The following CAMK2D variants were observed in gnomAD, a reference collection of about 807,000 sequenced individuals.
CAMK2D encodes the protein calcium/calmodulin dependent protein kinase II delta, also known as calcium/calmodulin-dependent protein kinase type II subunit delta.
In CAMK2D, 37 loss-of-function variants were observed where a neutral mutation model predicts 84.0. The ratio of observed to expected loss-of-function variants is 0.44; its 90% CI spans 0.34 to 0.58. The LOEUF (loss-of-function observed/expected upper bound fraction) is 0.58. Among genes scored for constraint, CAMK2D ranks in the 20% least tolerant of loss-of-function variants. The probability of loss-of-function intolerance (pLI) is 0.02; values close to 1 mark genes in which losing one functional copy is unlikely to be tolerated. For synonymous variants in CAMK2D, 202 were observed against 212.5 expected, an observed-to-expected ratio of 0.95 and a Z score of 0.43; for missense variants, 448 against 652.5, an observed-to-expected ratio of 0.69 and a Z score of 3.41.
chr4:113,571,645 G>T (rs1399021942), intron 4 of CAMK2D, among the ~76,000 whole-genome samples: 1 of 152,116 alleles, frequency 6.6e-6, no homozygotes, highest in Non-Finnish European at 1.5e-5. Flanking sequence ...AGGCCGAGGC[G>T]GGTGGATCAC....
At position 113,709,746 on chromosome 4, in the gene CAMK2D, G is replaced by GATATATATATATATATAT. The variant is rs397995032; in HGVS notation, c.161-47992_161-47975dup. ...GAGTGAAAAGCTAAAAGCCGTGAAC[G>GATATATATATATATATAT]ATATATATATATATATATATATATA... is the stretch of plus-strand genomic sequence containing the variant. On this transcript the variant is annotated intron_variant, in intron 2 of 20. Coordinates refer to ENST00000511664, the MANE Select transcript of CAMK2D (RefSeq NM_001321571.2). 7.8e-3 allele frequency among the ~76,000 whole-genome samples: 388 copies of GATATATATATATATATAT among 49,688 alleles called. 19 individuals carry two copies. The highest frequency in any genetic ancestry group is 0.019 in the Middle Eastern group (2 of 104). The allele number at this position is 49,688 out of a possible 152,430, so 32.6% of individuals were successfully genotyped here. A position where few individuals can be genotyped will look rare whatever the true frequency, so the allele number is the denominator to read the frequency against.
chr4:113,733,385 GA>G (rs141526755), intron 2 of CAMK2D, among the ~76,000 whole-genome samples: 3,545 of 152,240 alleles, frequency 0.023, 59 homozygotes, highest in Non-Finnish European at 0.037. Flanking sequence ...CACCACAAAT[GA>G]AAGATCAAAG....
intron 13 of CAMK2D, among the ~76,000 whole-genome samples, chr4:113,505,584 TCC>T (rs1491489813): frequency 1.3e-5 from 2 of 151,966 alleles, no homozygotes; most frequent in East Asian, 3.9e-4. Context: ...AGTGTAGATC[TCC>T]TCTAAAAATT....
At chr4:113,472,997 G>C (rs530614118) in intron 16 of CAMK2D, among the ~76,000 whole-genome samples, 2 of 152,280 alleles carry the variant, frequency 1.3e-5, no homozygotes, top group African/African-American at 2.4e-5. Context: ...GCCAGGGTTA[G>C]AGCTTTATTT....
At chr4:113,682,314 G>A (rs2099348260) in intron 2 of CAMK2D, among the ~76,000 whole-genome samples, 1 of 151,862 alleles carries the variant, frequency 6.6e-6, no homozygotes, top group African/African-American at 2.4e-5. Context: ...ATTTTTATAT[G>A]AGAAAAATTA....
At chr4:113,474,866 T>G (rs1010408379) in intron 16 of CAMK2D, among the ~76,000 whole-genome samples, 6 of 152,084 alleles carry the variant, frequency 3.9e-5, no homozygotes, top group Admixed American at 2.0e-4. Flanking sequence ...ATGCTGGTCT[T>G]GAACTCCTGA....
At chr4:113,645,117 C>T (rs949114649) in intron 3 of CAMK2D, among the ~76,000 whole-genome samples, 5 of 152,104 alleles carry the variant, frequency 3.3e-5, no homozygotes, top group African/African-American at 7.2e-5. Flanking sequence ...CCCGGGTTCA[C>T]GCCATTCTCC....
intron 11 of CAMK2D, 50 bp from the exon 12 acceptor site, chr4:113,513,420 G>A: frequency 8.8e-7 from 1 of 1,137,454 alleles, no homozygotes; most frequent in South Asian, 1.2e-5. Context: ...TGCAAATTCT[G>A]GACCTAACAA....
At chr4:113,486,702 A>G (rs2097768834) in intron 16 of CAMK2D, among the ~76,000 whole-genome samples, 1 of 152,238 alleles carries the variant, frequency 6.6e-6, no homozygotes, top group African/African-American at 2.4e-5. Context: ...ATGCTGTTAA[A>G]TTATTTTTTA....
At chr4:113,513,230 T>C (rs2098240769) in intron 12 of CAMK2D, 98 bp downstream of exon 12, 11 of 1,573,176 alleles carry the variant, frequency 7.0e-6, no homozygotes, top group Non-Finnish European at 9.5e-6. Context: ...AATGAAGTTT[T>C]TCTAATTATT....
chr4:113,535,867 G>A (rs550610698), intron 7 of CAMK2D, among the ~76,000 whole-genome samples: 1 of 152,280 alleles, frequency 6.6e-6, no homozygotes, highest in East Asian at 1.9e-4. Context: ...CTTCCACCCT[G>A]AATGGTAAAT....
intron 3 of CAMK2D, among the ~76,000 whole-genome samples, chr4:113,615,325 T>C (rs1247821330): frequency 6.6e-6 from 1 of 152,064 alleles, no homozygotes; most frequent in Non-Finnish European, 1.5e-5. Context: ...TTTTCAATAT[T>C]ACATTAAAAA....
chr4:113,517,666 G>A lies in CAMK2D; in HGVS notation c.602-9C>T. 7.6e-7 allele frequency: 1 copy of A among 1,315,522 alleles called. No homozygotes were observed. The allele number at this position is 1,315,522 out of a possible 1,614,324, so 81.5% of individuals were successfully genotyped here. ...AATATAGAGAATGACACCTGGAGGA[G>A]AATATAATGTTAACACAATTTAAGT... On this transcript the variant is annotated splice_polypyrimidine_tract_variant and intron_variant, in intron 8 of 20. Coordinates refer to ENST00000511664, the MANE Select transcript of CAMK2D (RefSeq NM_001321571.2).
intron 2 of CAMK2D, among the ~76,000 whole-genome samples, chr4:113,715,610 G>A (rs2099511093): frequency 6.6e-6 from 1 of 152,016 alleles, no homozygotes. Flanking sequence ...AGATGTTATA[G>A]GTGGTTTCCA....
intron 3 of CAMK2D, among the ~76,000 whole-genome samples, chr4:113,621,898 G>T (rs1291190102): frequency 6.6e-6 from 1 of 152,074 alleles, no homozygotes; most frequent in Non-Finnish European, 1.5e-5. Flanking sequence ...ATAACTATGT[G>T]GCAAACAAAT....
Position 113,509,571 on chromosome 4 carries a change from T to TATAAC in CAMK2D, c.984+62_984+66dup. The TATAAC allele has an allele frequency of 3.0e-6, 3 of 996,468 alleles. No homozygotes were observed. In the South Asian group the frequency reaches 3.9e-5, roughly 13 times the overall value. The allele number at this position is 996,468 out of a possible 1,614,324, so 61.7% of individuals were successfully genotyped here. On this transcript the variant is annotated intron_variant, in intron 13 of 20. Coordinates refer to ENST00000511664, the MANE Select transcript of CAMK2D (RefSeq NM_001321571.2). ...AACTTGCAAAGACTTAGGAATTATA[T>TATAAC]ATAACATTTAAAGATTATCCAGCAT...
intron 2 of CAMK2D, among the ~76,000 whole-genome samples, chr4:113,716,809 A>G (rs959516759): frequency 6.6e-6 from 1 of 152,218 alleles, no homozygotes; most frequent in African/African-American, 2.4e-5. Flanking sequence ...GGTAATGAGC[A>G]GAATGTTTAG....
At chr4:113,641,604 C>G (rs1437165753) in intron 3 of CAMK2D, among the ~76,000 whole-genome samples, 1 of 152,204 alleles carries the variant, frequency 6.6e-6, no homozygotes, top group Non-Finnish European at 1.5e-5. Flanking sequence ...GTTCCTGGCT[C>G]AAAGCTTTAC....
intron 3 of CAMK2D, among the ~76,000 whole-genome samples, chr4:113,640,944 T>C (rs2099130284): frequency 6.6e-6 from 1 of 152,234 alleles, no homozygotes; most frequent in South Asian, 2.1e-4. Flanking sequence ...CCTTTCAGAT[T>C]CTTAAATGTG....
Sources: gnomAD v4.1 joint callset for allele counts (sites outside exome capture counted in the v4.1 genomes callset) on GRCh38, gnomAD v4.1.1 for gene constraint, MANE v1.5 for transcripts, NCBI Gene and HGNC (gene_info 2026-07-23, HGNC 2026-07-21) for gene names.